Variants in DHX38 observed in about 807,000 individuals in gnomAD.
DHX38 encodes the protein DEAH-box helicase 38.
DHX38 carries 100 observed loss-of-function variants against 153.1 expected under a neutral mutation model. That is an observed-to-expected ratio of 0.65 (90% CI 0.56 to 0.77). The LOEUF (loss-of-function observed/expected upper bound fraction) is 0.77, where lower values mean the gene tolerates loss of function less well. DHX38 is among the 30% of genes least tolerant of loss of function. The pLI, the probability that DHX38 is intolerant of heterozygous loss-of-function variation, is 0.00. For missense variants in DHX38, 1,440 were observed against 1,654.0 expected (o/e 0.87, Z 2.24); for synonymous variants, 650 against 631.7 (o/e 1.03, Z -0.43).
rs764946352 is a variant in DHX38 at position 72,099,758 on chromosome 16, G to A, written c.987G>A (p.Met329Ile). 5.6e-6 allele frequency: 9 copies of A among 1,614,192 alleles called. No homozygotes were observed. The highest frequency in any genetic ancestry group is 3.4e-6 in the Non-Finnish European group (4 of 1,180,032). Reference sequence around the variant, plus strand: ...AAGCCGATCGGGATTGGTACATGATGGACGAGGGCTATGACGAGTTCCACA... The same window carrying A: ...AAGCCGATCGGGATTGGTACATGATAGACGAGGGCTATGACGAGTTCCACA... Reference protein sequence around the residue: ...QRQADRDWYMMDEGYDEFHNP... With the variant: ...QRQADRDWYMIDEGYDEFHNP... The change falls in exon 8 of 27, where the codon ATG (methionine) becomes ATA (isoleucine). Residue 329 changes from methionine (M) to isoleucine (I), a missense_variant. This residue lies in a region of DHX38 where 483 missense variants were observed against 465.1 expected (regional missense o/e 1.04). Transcript: ENST00000268482.
chr16:72,109,036 A>G (rs533409235), intron 24 of DHX38, 111 bp downstream of exon 24: 1 of 1,459,588 alleles, frequency 6.9e-7, no homozygotes, highest in Non-Finnish European at 9.1e-7. Flanking sequence ...TTGAGGCCAC[A>G]TGCATTGTTT....
At chr16:72,108,007 A>G (rs1369336078) in intron 21 of DHX38, among the ~76,000 whole-genome samples, 2 of 152,320 alleles carry the variant, frequency 1.3e-5, no homozygotes, top group African/African-American at 4.8e-5. Flanking sequence ...GAAATTTGCA[A>G]GAGCATTTTT....
At position 72,098,736 on chromosome 16, in the gene DHX38, G is replaced by A. The variant is rs1312994904; in HGVS notation, c.708G>A (p.Thr236=). Residue 236 remains threonine, a synonymous_variant, in exon 5 of 27, where the codon ACG becomes ACA. Transcript: ENST00000268482. ...RRSQWESPSP[T]PSYRDSERSH... ...CACAGTGGGAATCGCCCTCCCCGAC[G>A]CCTTCCTATCGGGATTCTGAGCGGA... The A allele has an allele frequency of 3.1e-6, 5 of 1,614,028 alleles. No homozygotes were observed. The highest frequency in any genetic ancestry group is 2.2e-5 in the South Asian group (2 of 91,082).
chr16:72,105,991 C>T lies in DHX38; in HGVS notation c.2488-14C>T. 5.0e-6 allele frequency: 8 copies of T among 1,611,568 alleles called. No homozygotes were observed. Among genetic ancestry groups the T allele is most frequent in the Non-Finnish European group, 6.8e-6 (8 of 1,177,894 alleles). On this transcript the variant is annotated splice_polypyrimidine_tract_variant and intron_variant, in intron 18 of 26. Transcript: ENST00000268482. The stretch of plus-strand genomic sequence containing the variant: ...CACTCTGTCCTTCGTCAGCTCTTTG[C>T]CGTCCCCTCCTAGGTCTTCAACCCC...
At chr16:72,095,921 G>GTA (rs1012725895) in intron 1 of DHX38, among the ~76,000 whole-genome samples, 10 of 150,946 alleles carry the variant, frequency 6.6e-5, no homozygotes, top group Non-Finnish European at 1.3e-4. Flanking sequence ...GTGTGTGTGT[G>GTA]TATCTATTTT....
rs748896199 is a variant in DHX38 at position 72,100,429 on chromosome 16, C to T, written c.1117-7C>T. On this transcript the variant is annotated splice_region_variant and splice_polypyrimidine_tract_variant and intron_variant, in intron 8 of 26. Transcript: ENST00000268482. ...ATTTGAGTGTGGCTCCCATTGTGTC[C>T]TCACAGGATAACGAGCGCTGGGAGA... is the stretch of plus-strand genomic sequence containing the variant. 1.2e-5 allele frequency: 19 copies of T among 1,613,412 alleles called. No individual in the cohort carries two copies. Among genetic ancestry groups the T allele is most frequent in the Non-Finnish European group, 1.4e-5 (17 of 1,179,688 alleles).
At position 72,108,333 on chromosome 16, in the gene DHX38, C is replaced by A. The variant is rs1012466749; in HGVS notation, c.3071C>A (p.Ser1024Tyr). 7 of 1,614,076 alleles carry A rather than the reference C, an allele frequency of 4.3e-6. No homozygotes were observed. Among genetic ancestry groups the A allele is most frequent in the Non-Finnish European group, 5.1e-6 (6 of 1,180,054 alleles). The change falls in exon 22 of 27, where the codon TCC becomes TAC. Residue 1024 changes from serine to tyrosine, a missense_variant. By Grantham distance (144) the Ser-to-Tyr change is moderately radical. This residue lies in a region of DHX38 where 543 missense variants were observed against 717.9 expected (regional missense o/e 0.76). Transcript: ENST00000268482. ...VYLQWKNNNY[S>Y]TIWCNDHFIH... ...CTGCAGTGGAAGAACAATAATTACTCCACCATCTGGTGTAACGATCATTTC... is the reference window on the plus strand; with the variant it reads ...CTGCAGTGGAAGAACAATAATTACTACACCATCTGGTGTAACGATCATTTC...
At position 72,098,744 on chromosome 16, in the gene DHX38, A is replaced by G. The variant is rs181471020; in HGVS notation, c.716A>G (p.Tyr239Cys). Residue 239 changes from tyrosine to cysteine, a missense_variant, in exon 5 of 27, where the codon TAT becomes TGT. By Grantham distance (194) the Tyr-to-Cys change is radical (BLOSUM62 -2). This residue lies in a region of DHX38 where 483 missense variants were observed against 465.1 expected (regional missense o/e 1.04). Transcript: ENST00000268482. The part of the protein sequence containing the change: ...QWESPSPTPS[Y>C]RDSERSHRLS... ...GAATCGCCCTCCCCGACGCCTTCCT[A>G]TCGGGATTCTGAGCGGAGCCATCGG... is the stretch of plus-strand genomic sequence containing the variant. 1.1e-5 allele frequency: 18 copies of G among 1,614,016 alleles called. No homozygotes were observed. The highest frequency in any genetic ancestry group is 1.6e-4 in the Middle Eastern group (1 of 6,084).
In DHX38 at chr16:72,106,102, C is replaced by G. The variant is rs377108419; in HGVS notation, c.2585C>G (p.Pro862Arg). 6.2e-7 allele frequency: 1 copy of G among 1,614,066 alleles called. No homozygotes were observed. The highest frequency in any genetic ancestry group is 8.5e-7 in the Non-Finnish European group (1 of 1,180,044). ...TCAGGGCGAGCCGGCAGGACGGGCC[C>G]AGGTCAGTGTTTCAGGTAGGAGCCC... ...QRSGRAGRTG[P>R]GQCFRLYTQS... The change falls in exon 19 of 27, where the codon CCA becomes CGA. Residue 862 changes from proline (P) to arginine (R), a missense_variant. Physicochemically the swap from Pro to Arg is moderately radical, Grantham distance 103. Around this residue, in one of 6 missense-constraint regions of DHX38, gnomAD observed 543 missense variants for 717.9 expected, o/e 0.76. Transcript: ENST00000268482.
Position 72,096,861 on chromosome 16 carries a change from G to A in DHX38, c.363G>A (p.Pro121=), listed in dbSNP as rs147413193. The A allele has an allele frequency of 2.0e-5, 33 of 1,613,780 alleles. No homozygotes were observed. The highest frequency in any genetic ancestry group is 2.6e-5 in the Non-Finnish European group (31 of 1,179,916). The change falls in exon 3 of 27, where the codon CCG becomes CCA. Residue 121 remains proline (P), a synonymous_variant. Transcript: ENST00000268482. ...CTCGGGTAGAGACTCCATCCCATCCGGGTGGTGTGAGCGAAGAGTTTTGGG... is the reference window on the plus strand; with the variant it reads ...CTCGGGTAGAGACTCCATCCCATCCAGGTGGTGTGAGCGAAGAGTTTTGGG... ...RSARVETPSH[P]GGVSEEFWER... is the part of the protein sequence containing the mutation.
At chr16:72,110,845 A>C (rs544779359) in intron 25 of DHX38, 111 bp from the exon 26 acceptor site, 2 of 1,411,928 alleles carry the variant, frequency 1.4e-6, no homozygotes, top group East Asian at 2.5e-5. Context: ...CATGTGGAGC[A>C]CTGGCCTGGT....
rs751838235 is a variant in DHX38 at position 72,098,798 on chromosome 16, G to A, written c.764+6G>A. ...TCCACTCGAGATCGAGACAGGTGAT[G>A]TTCTGGGCAGAGCAGCCCAGTTTCG... On this transcript the variant is annotated splice_donor_region_variant and intron_variant, in intron 5 of 26. Coordinates refer to ENST00000268482, the MANE Select transcript of DHX38 (RefSeq NM_014003.4). 2 of 1,614,044 alleles carry A rather than the reference G, an allele frequency of 1.2e-6. No homozygotes were observed. The highest frequency in any genetic ancestry group is 1.7e-6 in the Non-Finnish European group (2 of 1,179,906).
rs966449926 is a variant in DHX38, at chr16:72,099,867, C to T, written c.1096C>T (p.Gln366Ter). The change falls in exon 8 of 27, where the codon CAG becomes TAG. Residue 366 changes from glutamine to a stop codon, truncating the protein, a stop_gained. Coordinates refer to ENST00000268482, the MANE Select transcript of DHX38 (RefSeq NM_014003.4). LOFTEE classifies it high-confidence loss of function. Reference protein sequence around the residue: ...HKQKQKRISAQRRQINEDNER... With the variant: ...HKQKQKRISA ...ACAGAAGCAGAAGCGCATTTCAGCT[C>T]AGCGGAGACAGATCAATGAGGTGAG... 3.7e-6 allele frequency: 6 copies of T among 1,608,714 alleles called. No homozygotes were observed. The highest frequency in any genetic ancestry group is 1.1e-5 in the South Asian group (1 of 90,194).
chr16:72,104,484 A>G lies in DHX38; in HGVS notation c.2011-2A>G. ...GGGCCTCCGAGCCGCCTCTTCTCTCAGGTAGTGGCTCGGCGCTCAGACCTG... is the reference window on the plus strand; with the variant it reads ...GGGCCTCCGAGCCGCCTCTTCTCTCGGGTAGTGGCTCGGCGCTCAGACCTG... On this transcript the variant is annotated splice_acceptor_variant, in intron 14 of 26. Coordinates refer to ENST00000268482, the MANE Select transcript of DHX38 (RefSeq NM_014003.4). LOFTEE classifies it high-confidence loss of function. The surrounding 1 kb of genome is among the most constrained non-coding windows in gnomAD (Gnocchi z 4.5). The G allele has an allele frequency of 1.2e-6, 2 of 1,613,764 alleles. No individual in the cohort carries two copies. Among genetic ancestry groups the G allele is most frequent in the Non-Finnish European group, 1.7e-6 (2 of 1,179,990 alleles).
Position 72,104,397 on chromosome 16 carries a change from G to C in DHX38, c.2011-89G>C. The C allele has an allele frequency of 1.3e-6, 2 of 1,549,160 alleles. No individual in the cohort carries two copies. The highest frequency in any genetic ancestry group is 1.7e-6 in the Non-Finnish European group (2 of 1,146,272). On this transcript the variant is annotated intron_variant, in intron 14 of 26. Coordinates refer to ENST00000268482, the MANE Select transcript of DHX38 (RefSeq NM_014003.4). The surrounding 1 kb of genome is among the most constrained non-coding windows in gnomAD (Gnocchi z 4.5). ...TAGGCCCATTTGTCAGCTTTGGCTT[G>C]TGTTTCCTCGGGGGTGGTGCTGATG...
intron 3 of DHX38, chr16:72,097,446 G>T: frequency 2.0e-6 from 1 of 509,464 alleles, no homozygotes; most frequent in Non-Finnish European, 3.5e-6. Flanking sequence ...AGTATTTTTT[G>T]AATTCTTGCT....
Position 72,104,150 on chromosome 16 carries a change from G to T in DHX38, c.2010+19G>T. On this transcript the variant is annotated intron_variant, in intron 14 of 26. Coordinates refer to ENST00000268482, the MANE Select transcript of DHX38 (RefSeq NM_014003.4). This position sits in a 1 kb window ranked among gnomAD's most constrained non-coding sequence, Gnocchi z 4.5. ...CCGGGAGGTGAGGGCTGTGTGGTTT[G>T]GTCTCTCTGCGCATGGGGTGTTGAC... The T allele has an allele frequency of 6.2e-7, 1 of 1,611,230 alleles. No homozygotes were observed.
Position 72,099,761 on chromosome 16 carries a change from C to T in DHX38, c.990C>T (p.Asp330=), listed in dbSNP as rs752664006. 2.7e-5 allele frequency: 43 copies of T among 1,614,046 alleles called. No individual in the cohort carries two copies. In the Middle Eastern group the frequency reaches 4.4e-3, roughly 167 times the overall value. Residue 330 remains aspartate (D), a synonymous_variant, in exon 8 of 27, where the codon GAC becomes GAT. Transcript: ENST00000268482. ...CCGATCGGGATTGGTACATGATGGA[C>T]GAGGGCTATGACGAGTTCCACAACC... ...RQADRDWYMM[D]EGYDEFHNPL...
At chr16:72,097,543 G>T (rs952610329) in intron 3 of DHX38, 134 bp from the exon 4 acceptor site, 21 of 757,454 alleles carry the variant, frequency 2.8e-5, no homozygotes, top group Admixed American at 4.5e-5. Flanking sequence ...TGAGTTTCAG[G>T]AGTCCACGGA....
Sources: gnomAD v4.1 joint callset for allele counts (sites outside exome capture counted in the v4.1 genomes callset) on GRCh38, gnomAD v4.1.1 for gene constraint, gnomAD v4.1.1 regional missense constraint, Gnocchi (gnomAD v3.1) non-coding constraint, MANE v1.5 for transcripts, NCBI Gene and HGNC (gene_info 2026-07-23, HGNC 2026-07-21) for gene names.